Variants in PROSER2 observed in about 807,000 individuals in gnomAD.
PROSER2 encodes proline and serine-rich protein 2.
PROSER2 carries 18 observed loss-of-function variants against 14.6 expected under a neutral mutation model. The ratio of observed to expected loss-of-function variants is 1.23; its 90% CI spans 0.85 to 1.83. The LOEUF is 1.83. Ranked by LOEUF, PROSER2 falls within the 40% of genes most tolerant of loss-of-function variation. PROSER2 has a pLI of 0.00. For missense variants in PROSER2, 823 were observed against 629.8 expected (o/e 1.31, Z -3.28); for synonymous variants, 367 against 286.4 (o/e 1.28, Z -2.84).
chr10:11,844,763 C>A (rs10752245), intron 1 of PROSER2, among the ~76,000 whole-genome samples: 149,886 of 152,286 alleles, frequency 0.98, 73,792 homozygotes, highest in East Asian at 1. Context: ...CTGGGATTAC[C>A]GGCATGAGCT....
chr10:11,842,078 C>T (rs117115622), intron 1 of PROSER2, among the ~76,000 whole-genome samples: 4,956 of 152,032 alleles, frequency 0.033, 119 homozygotes, highest in Non-Finnish European at 0.049. Context: ...AAAAATTTGC[C>T]GGGTATGGTG....
rs1358533734 is a variant in PROSER2 at position 11,836,172 on chromosome 10, C to T, written c.-82+12702C>T. On this transcript the variant is annotated intron_variant, in intron 1 of 3. Transcript: ENST00000277570. This position sits in a 1 kb window ranked among gnomAD's most constrained non-coding sequence, Gnocchi z 4.6. ...TCAGTCTCCCGAGTAGCTGGGATTA[C>T]AGGCGTCCACCACTATGCCCGGCTA... 6.6e-6 allele frequency among the ~76,000 whole-genome samples: 1 copy of T among 152,086 alleles called. No individual in the cohort carries two copies. Among genetic ancestry groups the T allele is most frequent in the Non-Finnish European group, 1.5e-5 (1 of 68,012 alleles).
At chr10:11,832,515 G>A (rs1044996308) in intron 1 of PROSER2, among the ~76,000 whole-genome samples, 2 of 152,146 alleles carry the variant, frequency 1.3e-5, no homozygotes, top group African/African-American at 4.8e-5. Flanking sequence ...ATATTGGGAG[G>A]CGTTACTGGG....
Position 11,862,624 on chromosome 10 carries a change from A to G in PROSER2, c.139-3907A>G, listed in dbSNP as rs1391878159. Among the ~76,000 whole-genome samples the G allele has an allele frequency of 2.0e-5, 3 of 151,968 alleles. No homozygotes were observed. Among genetic ancestry groups the G allele is most frequent in the African/African-American group, 4.8e-5 (2 of 41,350 alleles). On this transcript the variant is annotated intron_variant, in intron 2 of 3. Coordinates refer to ENST00000277570, the MANE Select transcript of PROSER2 (RefSeq NM_153256.4). This position sits in a 1 kb window ranked among gnomAD's most constrained non-coding sequence, Gnocchi z 4.2. The stretch of plus-strand genomic sequence containing the variant: ...TGGGAGGATCACTTGAGCTGGGGAG[A>G]CCTAGGCTGCAATGAGCTGTGATTG...
At chr10:11,826,839 C>CA (rs1178408111) in intron 1 of PROSER2, among the ~76,000 whole-genome samples, 1 of 150,514 alleles carries the variant, frequency 6.6e-6, no homozygotes, top group Non-Finnish European at 1.5e-5. Context: ...TTCGGCCTCC[C>CA]AAAGTGCTGG....
chr10:11,862,226 T>C lies in PROSER2; in HGVS notation c.139-4305T>C, dbSNP rs914196958. Among the ~76,000 whole-genome samples the C allele has an allele frequency of 7.9e-5, 12 of 152,236 alleles. No homozygotes were observed. The highest frequency in any genetic ancestry group is 2.6e-4 in the Admixed American group (4 of 15,282). On this transcript the variant is annotated intron_variant, in intron 2 of 3. Transcript: ENST00000277570. The surrounding 1 kb of genome is among the most constrained non-coding windows in gnomAD (Gnocchi z 4.2). ...TTCTCTGCAATTTGAGAAACTTTCA[T>C]GCAAATCCCGCTTAAAGTCACCACA...
At chr10:11,824,617 T>C (rs1833585428) in intron 1 of PROSER2, among the ~76,000 whole-genome samples, 1 of 152,146 alleles carries the variant, frequency 6.6e-6, no homozygotes, top group African/African-American at 2.4e-5. Context: ...GTGGGAAGGA[T>C]GGAAGTTGTC....
At position 11,866,659 on chromosome 10, in the gene PROSER2, C is replaced by T; in HGVS notation, c.267C>T (p.Leu89=). Residue 89 remains leucine (L), a synonymous_variant, in exon 3 of 4, where the codon CTC becomes CTT. Coordinates refer to ENST00000277570, the MANE Select transcript of PROSER2 (RefSeq NM_153256.4). The surrounding 1 kb of genome is among the most constrained non-coding windows in gnomAD (Gnocchi z 6.0). ...PVLCDGGVCC[L]CSPSLEESTS... is the part of the protein sequence containing the mutation. ...TGTGCGATGGAGGAGTGTGCTGCCT[C>T]TGCTCCCCGTCTCTGGAGGAGAGCA... 1 of 1,614,184 alleles carries T rather than the reference C, an allele frequency of 6.2e-7. No individual in the cohort carries two copies. Among genetic ancestry groups the T allele is most frequent in the Non-Finnish European group, 8.5e-7 (1 of 1,180,044 alleles).
At chr10:11,853,674 C>T (rs1359763977) in intron 2 of PROSER2, among the ~76,000 whole-genome samples, 3 of 152,188 alleles carry the variant, frequency 2.0e-5, no homozygotes, top group Non-Finnish European at 4.4e-5. Context: ...CGCCATTCCC[C>T]TTCATCCTGC....
chr10:11,833,384 A>T (rs564173610), intron 1 of PROSER2, among the ~76,000 whole-genome samples: 1 of 151,280 alleles, frequency 6.6e-6, no homozygotes, highest in East Asian at 2.0e-4. Flanking sequence ...CTCCAAAAAA[A>T]TTTTTTTAAT....
chr10:11,855,166 C>G (rs557178736), intron 2 of PROSER2, among the ~76,000 whole-genome samples: 2 of 126,644 alleles, frequency 1.6e-5, no homozygotes, highest in Non-Finnish European at 3.3e-5. Flanking sequence ...TTTTTTTAAG[C>G]AAACGTTATT....
In PROSER2 at chr10:11,863,445, G is replaced by A. The variant is rs375187564; in HGVS notation, c.139-3086G>A. On this transcript the variant is annotated intron_variant, in intron 2 of 3. Coordinates refer to ENST00000277570, the MANE Select transcript of PROSER2 (RefSeq NM_153256.4). ...CCCAGCATCTCTGGAGGCTGAGGCA[G>A]GAGAACCACTTGAGCCCTGGGGGCA... Among the ~76,000 whole-genome samples, 4 of 152,090 alleles carry A rather than the reference G, an allele frequency of 2.6e-5. No homozygotes were observed. The East Asian group carries it at 5.8e-4, about 22-fold the overall frequency.
At chr10:11,855,802 G>A (rs1834113653) in intron 2 of PROSER2, among the ~76,000 whole-genome samples, 1 of 152,170 alleles carries the variant, frequency 6.6e-6, no homozygotes, top group Non-Finnish European at 1.5e-5. Context: ...ATCTCGAATA[G>A]TTTTTAAAGT....
At chr10:11,832,033 A>G (rs192650311) in intron 1 of PROSER2, among the ~76,000 whole-genome samples, 2 of 152,350 alleles carry the variant, frequency 1.3e-5, no homozygotes, top group Admixed American at 1.3e-4. Context: ...AAAATAAGTG[A>G]AAGCATGATC....
chr10:11,825,958 A>T (rs1833606265), intron 1 of PROSER2, among the ~76,000 whole-genome samples: 1 of 152,172 alleles, frequency 6.6e-6, no homozygotes. Flanking sequence ...TCCCAATGTT[A>T]TGCAATCATC....
At chr10:11,840,955 AATATATATATATATAT>A (rs1305528836) in intron 1 of PROSER2, among the ~76,000 whole-genome samples, 277 of 18,864 alleles carry the variant, frequency 0.015, 2 homozygotes, top group Non-Finnish European at 0.019. Context: ...AAAAAAAAAA[AATATATATATATATAT>A]ATATATATAT....
chr10:11,870,212 C>T lies in PROSER2; in HGVS notation c.1114C>T (p.Pro372Ser). 3 of 1,489,722 alleles carry T rather than the reference C, an allele frequency of 2.0e-6. No individual in the cohort carries two copies. The highest frequency in any genetic ancestry group is 1.2e-5 in the South Asian group (1 of 80,122). 92.3% of individuals were successfully genotyped at this position (1,489,722 alleles called of 1,614,324 possible). A position where few individuals can be genotyped will look rare whatever the true frequency, so the allele number is the denominator to read the frequency against. ...GAAGTCCCTCTGCTTCCGCCCTGGC[C>T]CGGCCCTGCCCAGCACGCGGGCCCG... ...AGKSLCFRPG[P>S]ALPSTRARQS... Residue 372 changes from proline to serine, a missense_variant, in exon 4 of 4, where the codon CCG (proline) becomes TCG (serine). Coordinates refer to ENST00000277570, the MANE Select transcript of PROSER2 (RefSeq NM_153256.4).
chr10:11,869,061 A>G lies in PROSER2; in HGVS notation c.392-429A>G, dbSNP rs1028281251. Among the ~76,000 whole-genome samples the G allele has an allele frequency of 6.6e-6, 1 of 152,198 alleles. No homozygotes were observed. Among genetic ancestry groups the G allele is most frequent in the Non-Finnish European group, 1.5e-5 (1 of 68,034 alleles). On this transcript the variant is annotated intron_variant, in intron 3 of 3. Coordinates refer to ENST00000277570, the MANE Select transcript of PROSER2 (RefSeq NM_153256.4). This position sits in a 1 kb window ranked among gnomAD's most constrained non-coding sequence, Gnocchi z 4.4. ...AGGCCTGTTAAATTCTCTGTCATAG[A>G]GGAAAGTGACACAGCTACATGTCCT...
At chr10:11,845,533 T>C (rs1281539219) in intron 1 of PROSER2, among the ~76,000 whole-genome samples, 2 of 152,218 alleles carry the variant, frequency 1.3e-5, no homozygotes, top group South Asian at 4.1e-4. Flanking sequence ...TTGAGGAAAG[T>C]TTAATACTTA....
Sources: allele counts gnomAD v4.1 joint callset (sites outside exome capture counted in the v4.1 genomes callset), GRCh38; gene constraint gnomAD v4.1.1; non-coding constraint Gnocchi (gnomAD v3.1); transcripts MANE v1.5; gene names NCBI Gene and HGNC (gene_info 2026-07-23, HGNC 2026-07-21).